The following LRMDA variants were observed in gnomAD, a reference collection of about 807,000 sequenced individuals.
LRMDA encodes the protein leucine-rich melanocyte differentiation-associated protein.
In LRMDA, 18 loss-of-function variants were observed where a neutral mutation model predicts 29.8. The observed-to-expected ratio is 0.60, with a 90% CI of 0.42 to 0.90. The LOEUF is 0.90. LRMDA is among the 40% of genes least tolerant of loss of function. The pLI is 0.00. For missense variants in LRMDA, 273 were observed against 273.9 expected (o/e 1.00, Z 0.02); for synonymous variants, 125 against 109.4 (o/e 1.14, Z -0.89).
intron 2 of LRMDA, among the ~76,000 whole-genome samples, chr10:75,838,613 A>G (rs1233119847): frequency 1.3e-5 from 2 of 152,156 alleles, no homozygotes; most frequent in East Asian, 3.8e-4. Context: ...TGAGTTTATG[A>G]TAATGTAAAT....
chr10:76,368,918 A>AC (rs979841000), intron 6 of LRMDA, among the ~76,000 whole-genome samples: 1 of 151,994 alleles, frequency 6.6e-6, no homozygotes, highest in Non-Finnish European at 1.5e-5. Flanking sequence ...AAGAATAGCT[A>AC]CCCCTACTTG....
chr10:76,457,010 A>G (rs1419868477), intron 6 of LRMDA, among the ~76,000 whole-genome samples: 3 of 152,118 alleles, frequency 2.0e-5, no homozygotes, highest in African/African-American at 7.2e-5. Context: ...TCCGACTTTG[A>G]ACATTTTCGG....
At chr10:76,403,266 A>G (rs1841868139) in intron 6 of LRMDA, 1 of 151,776 alleles carries the variant, frequency 6.6e-6, no homozygotes, top group South Asian at 2.1e-4. Flanking sequence ...TGTACCAAAA[A>G]CCCAGCAGAA....
At chr10:76,342,418 A>G (rs1841053208) in intron 6 of LRMDA, among the ~76,000 whole-genome samples, 1 of 152,242 alleles carries the variant, frequency 6.6e-6, no homozygotes, top group African/African-American at 2.4e-5. Flanking sequence ...AAGTACATAT[A>G]TTAACTTGAA....
At chr10:75,956,741 A>G (rs1290944237) in intron 2 of LRMDA, among the ~76,000 whole-genome samples, 1 of 152,180 alleles carries the variant, frequency 6.6e-6, no homozygotes, top group African/African-American at 2.4e-5. Context: ...ATTTCATGGG[A>G]AGAAGGGAGG....
chr10:76,504,021 G>A (rs1041829671), intron 6 of LRMDA, among the ~76,000 whole-genome samples: 1 of 151,378 alleles, frequency 6.6e-6, no homozygotes, highest in Admixed American at 6.6e-5. Context: ...ATTTTGGTAA[G>A]TTGTGTCTAT....
At chr10:76,298,164 G>A (rs1840435539) in intron 5 of LRMDA, among the ~76,000 whole-genome samples, 1 of 152,198 alleles carries the variant, frequency 6.6e-6, no homozygotes, top group East Asian at 1.9e-4. Context: ...CAGGGTGCAG[G>A]CTCAGTCAAG....
intron 2 of LRMDA, among the ~76,000 whole-genome samples, chr10:75,463,566 C>T (rs755738141): frequency 1.4e-4 from 21 of 151,882 alleles, no homozygotes; most frequent in Non-Finnish European, 2.5e-4. Flanking sequence ...CAGCTTACTG[C>T]AACCTCCGCC....
chr10:75,900,830 C>T (rs1845658172), intron 2 of LRMDA, among the ~76,000 whole-genome samples: 1 of 152,310 alleles, frequency 6.6e-6, no homozygotes, highest in East Asian at 1.9e-4. Context: ...TGCCTGCCAT[C>T]TTATGCCCTT....
chr10:76,199,319 A>G lies in LRMDA; in HGVS notation c.517-125082A>G, dbSNP rs958100. On this transcript the variant is annotated intron_variant, in intron 5 of 6. Coordinates refer to ENST00000611255, the MANE Select transcript of LRMDA (RefSeq NM_001305581.2). ...TTTCTTGAGTGATACCATGGATTTCATATGCCCCGGTTTAAGGGCACAGGC... is the reference window on the plus strand; with the variant it reads ...TTTCTTGAGTGATACCATGGATTTCGTATGCCCCGGTTTAAGGGCACAGGC... Among the ~76,000 whole-genome samples, 240 of 152,340 alleles carry G rather than the reference A, an allele frequency of 1.6e-3. 1 individual carries two copies. Among genetic ancestry groups the G allele is most frequent in the African/African-American group, 5.4e-3 (225 of 41,588 alleles).
intron 2 of LRMDA, among the ~76,000 whole-genome samples, chr10:75,529,199 A>G (rs1319696854): frequency 2.0e-5 from 3 of 152,238 alleles, no homozygotes. Flanking sequence ...ATGGCTGTGA[A>G]ATTTAAGAAT....
intron 2 of LRMDA, among the ~76,000 whole-genome samples, chr10:75,655,986 A>C (rs1212249103): frequency 6.6e-6 from 1 of 152,098 alleles, no homozygotes; most frequent in African/African-American, 2.4e-5. Context: ...ATCTGTTTGC[A>C]CTGGAGTGAC....
intron 5 of LRMDA, among the ~76,000 whole-genome samples, chr10:76,140,721 T>C (rs1850183282): frequency 6.6e-6 from 1 of 152,060 alleles, no homozygotes; most frequent in African/African-American, 2.4e-5. Context: ...GTTCTCTCAT[T>C]TGAAGCTTCT....
At chr10:76,074,052 C>T (rs868207937) in intron 5 of LRMDA, among the ~76,000 whole-genome samples, 1 of 152,058 alleles carries the variant, frequency 6.6e-6, no homozygotes, top group Non-Finnish European at 1.5e-5. Flanking sequence ...CAATTTAATG[C>T]GGCTTTGGGG....
intron 1 of LRMDA, among the ~76,000 whole-genome samples, chr10:75,434,827 T>A (rs1478919073): frequency 6.6e-6 from 1 of 152,194 alleles, no homozygotes; most frequent in East Asian, 1.9e-4. Context: ...CTCCTCAACA[T>A]CTGACTGTTG....
intron 5 of LRMDA, among the ~76,000 whole-genome samples, chr10:76,117,727 G>A (rs1237719075): frequency 6.6e-6 from 1 of 152,186 alleles, no homozygotes; most frequent in Non-Finnish European, 1.5e-5. Flanking sequence ...ACTTTTCTGT[G>A]AGCTGATAGA....
At chr10:75,710,928 T>A (rs1287664040) in intron 2 of LRMDA, among the ~76,000 whole-genome samples, 2 of 152,276 alleles carry the variant, frequency 1.3e-5, no homozygotes, top group African/African-American at 4.8e-5. Context: ...AGTGAATGCT[T>A]AGTCCTTCAA....
chr10:75,742,854 T>C (rs889924743), intron 2 of LRMDA: 1 of 152,286 alleles, frequency 6.6e-6, no homozygotes, highest in Non-Finnish European at 1.5e-5. Context: ...GGAAATGTTC[T>C]CCAGGTGACT....
chr10:76,431,835 A>G (rs1347010855), intron 6 of LRMDA, among the ~76,000 whole-genome samples: 5 of 152,304 alleles, frequency 3.3e-5, no homozygotes, highest in Admixed American at 6.5e-5. Context: ...TGCTGTTCAC[A>G]TGATAGCGAA....
Sources: allele counts gnomAD v4.1 joint callset (sites outside exome capture counted in the v4.1 genomes callset), GRCh38; gene constraint gnomAD v4.1.1; transcripts MANE v1.5; gene names NCBI Gene and HGNC (gene_info 2026-07-23, HGNC 2026-07-21).